Variants in SERBP1 observed in about 807,000 individuals in gnomAD.
SERBP1 encodes the protein SERPINE1 mRNA-binding protein 1.
Under a neutral mutation model 50.2 loss-of-function variants are expected in SERBP1, and 6 were observed. The observed-to-expected ratio is 0.12, with a 90% CI of 0.07 to 0.24. The LOEUF (loss-of-function observed/expected upper bound fraction) is 0.24, where lower values mean the gene tolerates loss of function less well. SERBP1 is among the 10% of genes least tolerant of loss of function. SERBP1 has a pLI of 1.00. For synonymous variants in SERBP1, 168 were observed against 182.8 expected (o/e 0.92, Z 0.65); for missense variants, 346 against 524.9 (o/e 0.66, Z 3.33).
intron 6 of SERBP1, 64 bp from the exon 7 acceptor site, chr1:67,415,403 T>C: frequency 7.0e-7 from 1 of 1,428,226 alleles, no homozygotes; most frequent in South Asian, 1.6e-5. Context: ...AATTTCTAAA[T>C]AATGAGCTTT....
At chr1:67,416,794 A>G (rs1667025449) in intron 6 of SERBP1, among the ~76,000 whole-genome samples, 1 of 152,252 alleles carries the variant, frequency 6.6e-6, no homozygotes, top group Non-Finnish European at 1.5e-5. Flanking sequence ...TACAAATTTT[A>G]AAGGAGGCTA....
intron 7 of SERBP1, among the ~76,000 whole-genome samples, chr1:67,413,645 T>G (rs1666911116): frequency 7.8e-6 from 1 of 128,802 alleles, no homozygotes; most frequent in Non-Finnish European, 1.6e-5. Flanking sequence ...TGAGACTCCA[T>G]CTCAAAAAAA....
chr1:67,415,495 C>T (rs934376669), intron 6 of SERBP1, among the ~76,000 whole-genome samples, 156 bp from the exon 7 acceptor site: 29 of 152,228 alleles, frequency 1.9e-4, no homozygotes, highest in Non-Finnish European at 1.5e-4. Flanking sequence ...AGCTAGGGCT[C>T]AGCTTTAGTG....
intron 7 of SERBP1, among the ~76,000 whole-genome samples, chr1:67,413,795 T>C (rs988432880): frequency 1.3e-5 from 2 of 152,032 alleles, no homozygotes; most frequent in African/African-American, 4.8e-5. Context: ...AGAGTAATAA[T>C]ATGGGTTGTT....
Position 67,415,386 on chromosome 1 carries a change from A to G in SERBP1, c.952-47T>C, listed in dbSNP as rs761945648. On this transcript the variant is annotated intron_variant, in intron 6 of 7. Coordinates refer to ENST00000361219, the MANE Select transcript of SERBP1 (RefSeq NM_001018069.2). ...ATTGTGTTATTAGTAGAAAAGTAACATTGCAAAATTTCTAAATAATGAGCT... is the reference window on the plus strand; with the variant it reads ...ATTGTGTTATTAGTAGAAAAGTAACGTTGCAAAATTTCTAAATAATGAGCT... The G allele has an allele frequency of 6.8e-6, 10 of 1,464,310 alleles. No individual in the cohort carries two copies. The Admixed American group carries it at 2.0e-4, about 30-fold the overall frequency. 90.7% of individuals were successfully genotyped at this position (1,464,310 alleles called of 1,614,324 possible).
rs1666799663 is a variant in SERBP1 at position 67,410,510 on chromosome 1, A to T, written c.*2697T>A. The T allele has an allele frequency of 6.6e-6, 1 of 152,206 alleles. No homozygotes were observed. 9.4% of individuals were successfully genotyped at this position (152,206 alleles called of 1,614,324 possible). On this transcript the variant is annotated 3_prime_UTR_variant, in exon 8 of 8. Transcript: ENST00000361219. Reference sequence around the variant, plus strand: ...GATGTATATGGTGCCAATTTTTAAAAGTCTTGCTTAACTCCACAGGTCTCA... The same window carrying T: ...GATGTATATGGTGCCAATTTTTAAATGTCTTGCTTAACTCCACAGGTCTCA...
rs1226322763 is a variant in SERBP1, at chr1:67,424,219, C to A, written c.754G>T (p.Val252Leu). The change falls in exon 5 of 8, where the codon GTG becomes TTG. Residue 252 changes from valine (V) to leucine (L), a missense_variant. By Grantham distance (32) the Val-to-Leu change is conservative (BLOSUM62 1). Coordinates refer to ENST00000361219, the MANE Select transcript of SERBP1 (RefSeq NM_001018069.2). ...ETPEGEEHHP[V>L]ADTENKENEV... ...ACTTACTTATTTTCAGTGTCTGCCA[C>A]TGGATGATGTTCTTCACCTTCAGGT... 3 of 1,611,482 alleles carry A rather than the reference C, an allele frequency of 1.9e-6. No individual in the cohort carries two copies. The highest frequency in any genetic ancestry group is 2.2e-5 in the South Asian group (2 of 90,474).
chr1:67,430,353 C>A lies in SERBP1; in HGVS notation c.-53G>T. 6.8e-7 allele frequency: 1 copy of A among 1,481,270 alleles called. No homozygotes were observed. The highest frequency in any genetic ancestry group is 9.0e-7 in the Non-Finnish European group (1 of 1,111,386). The allele number at this position is 1,481,270 out of a possible 1,614,324, so 91.8% of individuals were successfully genotyped here. The stretch of plus-strand genomic sequence containing the variant: ...ACGGATTGCAGCGGGCCGCGCCGAG[C>A]CAAGAGCGCCTGCTTCAGCTCTTCC... On this transcript the variant is annotated 5_prime_UTR_variant, in exon 1 of 8. Transcript: ENST00000361219.
intron 7 of SERBP1, 36 bp from the exon 8 acceptor site, chr1:67,413,299 A>C: frequency 1.3e-6 from 2 of 1,527,082 alleles, no homozygotes; most frequent in Non-Finnish European, 1.8e-6. Flanking sequence ...CACAGTTCTC[A>C]GTTCTTCAAA....
intron 5 of SERBP1, among the ~76,000 whole-genome samples, chr1:67,423,704 T>C (rs1422151015): frequency 6.6e-6 from 1 of 152,190 alleles, no homozygotes; most frequent in Non-Finnish European, 1.5e-5. Flanking sequence ...ATGTTCCAAA[T>C]TCTACATTGG....
chr1:67,420,703 G>C (rs1667172577), intron 5 of SERBP1: 1 of 152,272 alleles, frequency 6.6e-6, no homozygotes, highest in African/African-American at 2.4e-5. Flanking sequence ...CTAGCACTTA[G>C]AGCAAATCAA....
intron 4 of SERBP1, 48 bp downstream of exon 4, chr1:67,424,840 T>A: frequency 7.2e-7 from 1 of 1,396,570 alleles, no homozygotes; most frequent in Non-Finnish European, 1.0e-6. Context: ...GAGGTATGGA[T>A]TAACCTCTAG....
chr1:67,423,816 TAATC>T (rs1667283231), intron 5 of SERBP1, among the ~76,000 whole-genome samples: 3 of 152,184 alleles, frequency 2.0e-5, no homozygotes, highest in Admixed American at 2.0e-4. Flanking sequence ...GTAAAATGAC[TAATC>T]AAACAGAAAT....
rs1232541233 is a variant in SERBP1, at chr1:67,411,866, T to G, written c.*1341A>C. 6.6e-6 allele frequency: 1 copy of G among 152,240 alleles called. No homozygotes were observed. The allele number at this position is 152,240 out of a possible 1,614,324, so 9.4% of individuals were successfully genotyped here. A position where few individuals can be genotyped will look rare whatever the true frequency, so the allele number is the denominator to read the frequency against. ...AGAATAAAAGACAATCCTAGAAAAC[T>G]TTTTTAATTCATCATTCTATGTGTG... On this transcript the variant is annotated 3_prime_UTR_variant, in exon 8 of 8. Transcript: ENST00000361219.
chr1:67,418,111 G>A (rs1667083317), intron 6 of SERBP1, among the ~76,000 whole-genome samples: 1 of 151,266 alleles, frequency 6.6e-6, no homozygotes, highest in Non-Finnish European at 1.5e-5. Flanking sequence ...GAGTAGCTGG[G>A]ATTACAGGCA....
At chr1:67,420,919 G>A (rs1028334323) in intron 5 of SERBP1, among the ~76,000 whole-genome samples, 2 of 152,060 alleles carry the variant, frequency 1.3e-5, no homozygotes, top group African/African-American at 4.8e-5. Context: ...TCTTTTTACA[G>A]AAACAAAGCA....
intron 5 of SERBP1, among the ~76,000 whole-genome samples, chr1:67,422,960 C>CAAACAAAACAAAACA (rs57255283): frequency 6.8e-6 from 1 of 147,450 alleles, no homozygotes; most frequent in African/African-American, 2.5e-5. Flanking sequence ...AGAATGTCTC[C>CAAACAAAACAAAACA]AAACAAAACA....
intron 6 of SERBP1, chr1:67,417,361 C>T (rs1377002633): frequency 2.6e-5 from 4 of 151,900 alleles, no homozygotes; most frequent in African/African-American, 9.7e-5. Flanking sequence ...ATAGGGAAAA[C>T]GTGTTTAGGC....
chr1:67,423,962 C>T (rs1255561389), intron 5 of SERBP1, among the ~76,000 whole-genome samples: 2 of 152,232 alleles, frequency 1.3e-5, no homozygotes, highest in African/African-American at 4.8e-5. Context: ...GCAGGAGGAA[C>T]GCTTGAGCCC....
Sources: allele counts gnomAD v4.1 joint callset (sites outside exome capture counted in the v4.1 genomes callset), GRCh38; gene constraint gnomAD v4.1.1; transcripts MANE v1.5; gene names NCBI Gene and HGNC (gene_info 2026-07-23, HGNC 2026-07-21).